The following MYH11 variants were observed in gnomAD, a reference collection of about 807,000 sequenced individuals.
The protein encoded by MYH11 is myosin-11.
In MYH11, 80 loss-of-function variants were observed where a neutral mutation model predicts 246.6. The ratio of observed to expected loss-of-function variants is 0.32; its 90% CI spans 0.27 to 0.39. The LOEUF (loss-of-function observed/expected upper bound fraction) is 0.39, where lower values mean the gene tolerates loss of function less well. MYH11 is among the 10% of genes least tolerant of loss of function. The pLI is 1.00. For synonymous variants in MYH11, 1,071 were observed against 1,015.5 expected, an observed-to-expected ratio of 1.05 and a Z score of -1.04; for missense variants, 2,158 against 2,546.8, an observed-to-expected ratio of 0.85 and a Z score of 3.29.
chr16:15,719,454 C>T (rs919667524), intron 35 of MYH11, 131 bp downstream of exon 35: 162 of 1,495,830 alleles, frequency 1.1e-4, no homozygotes, highest in Admixed American at 1.4e-4. Context: ...AGGAGGGAAG[C>T]GTGTGTCTTT....
At chr16:15,846,973 G>T (rs922245608) in intron 1 of MYH11, among the ~76,000 whole-genome samples, 1 of 151,990 alleles carries the variant, frequency 6.6e-6, no homozygotes, top group Non-Finnish European at 1.5e-5. Context: ...ATATCCTCTT[G>T]AAAATTCATC....
chr16:15,703,789 C>T lies in MYH11; in HGVS notation c.*202G>A, dbSNP rs573187280. 88 of 692,400 alleles carry T rather than the reference C, an allele frequency of 1.3e-4. No individual in the cohort carries two copies. Among genetic ancestry groups the T allele is most frequent in the Admixed American group, 6.2e-4 (26 of 41,790 alleles). The allele number at this position is 692,400 out of a possible 1,614,324, so 42.9% of individuals were successfully genotyped here. On this transcript the variant is annotated 3_prime_UTR_variant, in exon 41 of 41. Transcript: ENST00000300036. ...TTCTTGTATAGATGAGGTTTTACTA[C>T]GTTGCCCAGGCTGGAGGGTGGTGGT...
chr16:15,739,176 T>C (rs2059149920), intron 23 of MYH11, among the ~76,000 whole-genome samples: 1 of 152,010 alleles, frequency 6.6e-6, no homozygotes, highest in Admixed American at 6.5e-5. Context: ...CTCAGCTCAC[T>C]GCAACCTCTG....
At chr16:15,739,838 T>C (rs1402546571) in intron 23 of MYH11, among the ~76,000 whole-genome samples, 3 of 151,552 alleles carry the variant, frequency 2.0e-5, no homozygotes, top group Admixed American at 2.0e-4. Flanking sequence ...ACCTCCCAGG[T>C]TCAAGTGATT....
chr16:15,766,547 T>C (rs1429794090), intron 9 of MYH11, among the ~76,000 whole-genome samples: 1 of 152,116 alleles, frequency 6.6e-6, no homozygotes, highest in East Asian at 1.9e-4. Context: ...AATTTTTCTA[T>C]TTTTAGTAGA....
At chr16:15,786,490 T>C in intron 5 of MYH11, 140 bp downstream of exon 5, 2 of 869,770 alleles carry the variant, frequency 2.3e-6, no homozygotes, top group Non-Finnish European at 4.0e-6. Context: ...AAAAAGACGG[T>C]CCCTCTTTGA....
intron 2 of MYH11, among the ~76,000 whole-genome samples, chr16:15,823,864 C>G (rs116748785): frequency 1.2e-3 from 187 of 152,136 alleles, no homozygotes; most frequent in African/African-American, 4.4e-3. Context: ...TGGGCTCAAG[C>G]AATTCTCTCA....
intron 15 of MYH11, 96 bp downstream of exon 15, chr16:15,753,298 G>T: frequency 9.3e-7 from 1 of 1,070,374 alleles, no homozygotes; most frequent in Non-Finnish European, 1.4e-6. Context: ...CCATGTAAAG[G>T]CCTCCCCTCC....
intron 2 of MYH11, among the ~76,000 whole-genome samples, chr16:15,831,106 C>T (rs997873589): frequency 5.3e-5 from 8 of 152,030 alleles, no homozygotes; most frequent in Non-Finnish European, 1.0e-4. Context: ...TGGGAGGGGG[C>T]TGTTGCAGTG....
intron 1 of MYH11, among the ~76,000 whole-genome samples, chr16:15,840,067 A>T (rs1283312723): frequency 1.3e-5 from 2 of 152,140 alleles, no homozygotes; most frequent in Non-Finnish European, 2.9e-5. Flanking sequence ...ATTAAAAAAA[A>T]GAGTTGCCAG....
intron 9 of MYH11, among the ~76,000 whole-genome samples, chr16:15,766,347 GTGTGTGTGTGTGTGTGT>G (rs2041980895): frequency 1.7e-5 from 1 of 57,194 alleles, no homozygotes; most frequent in African/African-American, 6.0e-5. Flanking sequence ...GTTTTTTGGT[GTGTGTGTGTGTGTGTGT>G]GTGTGTGTGT....
intron 36 of MYH11, chr16:15,718,973 T>C (rs1596711739): frequency 5.9e-6 from 3 of 508,480 alleles, no homozygotes; most frequent in Non-Finnish European, 1.1e-5. Context: ...ACTAAAAATA[T>C]AAAAATTAGC....
chr16:15,799,469 C>T (rs982020661), intron 3 of MYH11, among the ~76,000 whole-genome samples: 2 of 152,184 alleles, frequency 1.3e-5, no homozygotes, highest in African/African-American at 4.8e-5. Context: ...TCCATACTCC[C>T]CTACAAATCC....
chr16:15,745,548 C>T lies in MYH11; in HGVS notation c.2412-311G>A, dbSNP rs2041393358. Among the ~76,000 whole-genome samples, 5 of 152,158 alleles carry T rather than the reference C, an allele frequency of 3.3e-5. No homozygotes were observed. In the South Asian group the frequency reaches 1.0e-3, roughly 32 times the overall value. Reference sequence around the variant, plus strand: ...ATTCCTAAGGGGGCTCCCGTACTCCCCAGCTGCACTAGCTGTTTCTTTTTT... The same window carrying T: ...ATTCCTAAGGGGGCTCCCGTACTCCTCAGCTGCACTAGCTGTTTCTTTTTT... On this transcript the variant is annotated intron_variant, in intron 19 of 40. Coordinates refer to ENST00000300036, the MANE Select transcript of MYH11 (RefSeq NM_002474.3).
intron 37 of MYH11, 47 bp from the exon 38 acceptor site, chr16:15,717,395 G>A (rs763827908): frequency 6.3e-7 from 1 of 1,591,054 alleles, no homozygotes; most frequent in Non-Finnish European, 8.5e-7. Flanking sequence ...GGAAGCCCAA[G>A]AGAGCGCACT....
In MYH11 at chr16:15,715,179, C is replaced by T. The variant is rs767282515; in HGVS notation, c.5598G>A (p.Glu1866=). The change falls in exon 39 of 41, where the codon GAG becomes GAA. Residue 1866 remains glutamate (E), a synonymous_variant. Coordinates refer to ENST00000300036, the MANE Select transcript of MYH11 (RefSeq NM_002474.3). ...CAGGGGCTACCTGCTCCTTGTACTGCTCGGCCATCTTGCGCTCGTCCTCCA... is the reference window on the plus strand; with the variant it reads ...CAGGGGCTACCTGCTCCTTGTACTGTTCGGCCATCTTGCGCTCGTCCTCCA... ...LQVEDERKMA[E]QYKEQAEKGN... is the part of the protein sequence containing the mutation. 2.5e-6 allele frequency: 4 copies of T among 1,613,860 alleles called. No homozygotes were observed. In the South Asian group the frequency reaches 4.4e-5, roughly 18 times the overall value.
intron 23 of MYH11, 138 bp from the exon 24 acceptor site, chr16:15,738,826 G>A: frequency 9.8e-7 from 1 of 1,024,834 alleles, no homozygotes; most frequent in African/African-American, 1.6e-5. Context: ...GTTTTAAATG[G>A]TAAAGAGAAG....
At position 15,718,029 on chromosome 16, in the gene MYH11, A is replaced by G. The variant is rs2040259013; in HGVS notation, c.5295+286T>C. 18 of 521,238 alleles carry G rather than the reference A, an allele frequency of 3.5e-5. No homozygotes were observed. In the South Asian group the frequency reaches 3.8e-4, roughly 11 times the overall value. The allele number at this position is 521,238 out of a possible 1,614,324, so 32.3% of individuals were successfully genotyped here. ...TTCAGCTAGGGGAAAACGCAATGAA[A>G]GAGCATCCCAAGGCCCGGACTCCAG... On this transcript the variant is annotated intron_variant, in intron 37 of 40. Coordinates refer to ENST00000300036, the MANE Select transcript of MYH11 (RefSeq NM_002474.3).
At chr16:15,705,424 AGGAG>A (rs1029360252) in intron 40 of MYH11, among the ~76,000 whole-genome samples, 76 of 152,276 alleles carry the variant, frequency 5.0e-4, no homozygotes, top group African/African-American at 1.8e-3. Context: ...GACTTTGGGT[AGGAG>A]GAAGAGAGTG....
Sources: allele counts gnomAD v4.1 joint callset (sites outside exome capture counted in the v4.1 genomes callset), GRCh38; gene constraint gnomAD v4.1.1; transcripts MANE v1.5; gene names NCBI Gene and HGNC (gene_info 2026-07-23, HGNC 2026-07-21).